KCNIP4: variants seen among roughly 807,000 people sequenced by gnomAD.
KCNIP4 encodes the protein potassium voltage-gated channel interacting protein 4.
In KCNIP4, 12 loss-of-function variants were observed where a neutral mutation model predicts 34.0. The ratio of observed to expected loss-of-function variants is 0.35; its 90% CI spans 0.23 to 0.57. KCNIP4 has a LOEUF of 0.57. Ranked by LOEUF, KCNIP4 falls within the 20% of genes least tolerant of loss-of-function variation. The pLI is 0.83. For missense variants in KCNIP4, 238 were observed against 311.7 expected (o/e 0.76, Z 1.78); for synonymous variants, 124 against 102.2 (o/e 1.21, Z -1.29).
At chr4:21,282,634 A>G (rs957732084) in intron 1 of KCNIP4, among the ~76,000 whole-genome samples, 9 of 152,230 alleles carry the variant, frequency 5.9e-5, no homozygotes, top group Non-Finnish European at 1.2e-4. Context: ...GTGTTTCACA[A>G]TATGTGTAGA....
intron 2 of KCNIP4, among the ~76,000 whole-genome samples, chr4:20,879,334 C>T (rs1724423311): frequency 1.3e-5 from 2 of 152,242 alleles, no homozygotes; most frequent in Admixed American, 1.3e-4. Context: ...TCAGGTAGCT[C>T]GATGGGAGAA....
chr4:21,665,659 C>T (rs970191522), intron 1 of KCNIP4, among the ~76,000 whole-genome samples: 1 of 152,112 alleles, frequency 6.6e-6, no homozygotes, highest in Admixed American at 6.6e-5. Flanking sequence ...AGCCAGCTGG[C>T]CTTTCCTACA....
At chr4:20,914,853 C>T (rs1208335500) in intron 1 of KCNIP4, among the ~76,000 whole-genome samples, 1 of 152,198 alleles carries the variant, frequency 6.6e-6, no homozygotes, top group African/African-American at 2.4e-5. Context: ...TTGCAATCTG[C>T]TTCTTCTAAA....
intron 3 of KCNIP4, among the ~76,000 whole-genome samples, chr4:20,819,335 C>T (rs980991316): frequency 4.6e-5 from 7 of 152,040 alleles, no homozygotes; most frequent in African/African-American, 1.7e-4. Flanking sequence ...GGACTGAAGA[C>T]CCAAAGATGA....
Position 21,431,782 on chromosome 4 carries a change from C to T in KCNIP4, c.61+516789G>A, listed in dbSNP as rs538721937. 4.6e-5 allele frequency among the ~76,000 whole-genome samples: 7 copies of T among 151,614 alleles called. No homozygotes were observed. The South Asian group carries it at 1.3e-3, about 27-fold the overall frequency. On this transcript the variant is annotated intron_variant, in intron 1 of 8. Coordinates refer to ENST00000382152, the MANE Select transcript of KCNIP4 (RefSeq NM_025221.6). Reference sequence around the variant, plus strand: ...ATTACAATGATTAAAGACTGAACTACCACTGCCAGGACAGATTAGTGTCCA... The same window carrying T: ...ATTACAATGATTAAAGACTGAACTATCACTGCCAGGACAGATTAGTGTCCA...
chr4:21,891,600 G>A (rs1351907043), intron 1 of KCNIP4, among the ~76,000 whole-genome samples: 3 of 152,212 alleles, frequency 2.0e-5, no homozygotes, highest in African/African-American at 7.2e-5. Context: ...ACCTGTCTAA[G>A]TGCACAGGGT....
At chr4:21,171,504 G>A (rs535416313) in intron 1 of KCNIP4, among the ~76,000 whole-genome samples, 1 of 152,106 alleles carries the variant, frequency 6.6e-6, no homozygotes, top group South Asian at 2.1e-4. Context: ...GCATTATCAT[G>A]TTTCCATATA....
At chr4:21,124,590 T>C (rs1278470368) in intron 1 of KCNIP4, among the ~76,000 whole-genome samples, 1 of 152,204 alleles carries the variant, frequency 6.6e-6, no homozygotes, top group Non-Finnish European at 1.5e-5. Flanking sequence ...TTCTTTTTCT[T>C]CTTCTTTTGC....
chr4:21,002,145 T>C (rs1031548761), intron 1 of KCNIP4, among the ~76,000 whole-genome samples: 1 of 152,206 alleles, frequency 6.6e-6, no homozygotes, highest in Non-Finnish European at 1.5e-5. Context: ...GTGTTTCATC[T>C]TTCCAGATAG....
At position 20,729,256 on chromosome 4, in the gene KCNIP4, T is replaced by A. The variant is rs752064480; in HGVS notation, c.*826A>T. On this transcript the variant is annotated 3_prime_UTR_variant, in exon 9 of 9. Coordinates refer to ENST00000382152, the MANE Select transcript of KCNIP4 (RefSeq NM_025221.6). ...ACTGGAGGATAGATATCCTGACCCT[T>A]TGCATATGTCTGTAAACATCCTTGT... 1 of 151,926 alleles carries A rather than the reference T, an allele frequency of 6.6e-6. No homozygotes were observed. Among genetic ancestry groups the A allele is most frequent in the Non-Finnish European group, 1.5e-5 (1 of 67,948 alleles). The allele number at this position is 151,926 out of a possible 1,614,324, so 9.4% of individuals were successfully genotyped here.
chr4:21,762,923 G>A, intron 1 of KCNIP4: 1 of 1,288,334 alleles, frequency 7.8e-7, no homozygotes, highest in South Asian at 1.2e-5. Context: ...GGACTCACAT[G>A]ATGATCTGAC....
In KCNIP4 at chr4:20,947,405, G is replaced by A. The variant is rs1032388892; in HGVS notation, c.62-64696C>T. Among the ~76,000 whole-genome samples, 6 of 152,072 alleles carry A rather than the reference G, an allele frequency of 3.9e-5. No individual in the cohort carries two copies. The East Asian group carries it at 1.2e-3, about 30-fold the overall frequency. ...GCTGGTCTCAAACTCCTGCCCTCAT[G>A]TGGTCCACCTGCCTCGGCCTCCCAA... is the stretch of plus-strand genomic sequence containing the variant. On this transcript the variant is annotated intron_variant, in intron 1 of 8. Transcript: ENST00000382152.
At chr4:21,088,658 C>A (rs1188806601) in intron 1 of KCNIP4, among the ~76,000 whole-genome samples, 1 of 152,070 alleles carries the variant, frequency 6.6e-6, no homozygotes, top group Non-Finnish European at 1.5e-5. Flanking sequence ...ATGAAACAGG[C>A]CTGGAATTAC....
intron 1 of KCNIP4, among the ~76,000 whole-genome samples, chr4:21,702,763 G>A (rs927839714): frequency 6.6e-6 from 1 of 151,938 alleles, no homozygotes; most frequent in Admixed American, 6.6e-5. Flanking sequence ...GTACAGTATT[G>A]GCATGACACA....
intron 1 of KCNIP4, among the ~76,000 whole-genome samples, chr4:21,457,916 G>C (rs1729102474): frequency 6.6e-6 from 1 of 151,946 alleles, no homozygotes; most frequent in Admixed American, 6.6e-5. Context: ...TTGCCTGACT[G>C]TCTCAGCATC....
chr4:20,914,186 T>C (rs182072440), intron 1 of KCNIP4, among the ~76,000 whole-genome samples: 1 of 152,000 alleles, frequency 6.6e-6, no homozygotes, highest in Admixed American at 6.6e-5. Flanking sequence ...AAAGAAACAG[T>C]ACCAGGCATT....
At chr4:21,529,883 G>A (rs1450504973) in intron 1 of KCNIP4, among the ~76,000 whole-genome samples, 1 of 152,178 alleles carries the variant, frequency 6.6e-6, no homozygotes, top group Non-Finnish European at 1.5e-5. Flanking sequence ...ATCATGTTCA[G>A]TGAATAGAGA....
intron 1 of KCNIP4, among the ~76,000 whole-genome samples, chr4:20,961,963 C>T (rs758944875): frequency 2.6e-4 from 39 of 152,112 alleles, no homozygotes; most frequent in Admixed American, 1.8e-3. Context: ...CCAAAGACAC[C>T]TTTTCTCCCA....
chr4:21,288,728 G>A (rs1763262759), intron 1 of KCNIP4, among the ~76,000 whole-genome samples: 1 of 152,136 alleles, frequency 6.6e-6, no homozygotes, highest in Admixed American at 6.5e-5. Context: ...ACCACCACCA[G>A]GACATCTGTG....
Sources: gnomAD v4.1 joint callset for allele counts (sites outside exome capture counted in the v4.1 genomes callset) on GRCh38, gnomAD v4.1.1 for gene constraint, MANE v1.5 for transcripts, NCBI Gene and HGNC (gene_info 2026-07-23, HGNC 2026-07-21) for gene names.